Variants in TBC1D4 observed in about 807,000 individuals in gnomAD.
TBC1D4 encodes TBC (Tre-2, BUB2, CDC16) domain-containing protein.
TBC1D4 carries 121 observed loss-of-function variants against 142.5 expected under a neutral mutation model. The observed-to-expected ratio is 0.85, with a 90% CI of 0.73 to 0.99. The LOEUF (loss-of-function observed/expected upper bound fraction) is 0.99, where lower values mean the gene tolerates loss of function less well. TBC1D4 is among the 50% of genes least tolerant of loss of function. The pLI is 0.00. For missense variants in TBC1D4, 1,475 were observed against 1,606.6 expected, an observed-to-expected ratio of 0.92 and a Z score of 1.40; for synonymous variants, 630 against 628.2, an observed-to-expected ratio of 1.00 and a Z score of -0.04.
At chr13:75,411,000 A>G (rs2138398889) in intron 1 of TBC1D4, among the ~76,000 whole-genome samples, 1 of 151,992 alleles carries the variant, frequency 6.6e-6, no homozygotes, top group Admixed American at 6.5e-5. Flanking sequence ...TTTAACTAAT[A>G]TAAAATGTAA....
intron 2 of TBC1D4, 36 bp downstream of exon 2, chr13:75,361,990 T>C: frequency 1.9e-6 from 3 of 1,612,920 alleles, no homozygotes; most frequent in Non-Finnish European, 2.5e-6. Context: ...CTGGCACCTT[T>C]TGGGGCAAGG....
At chr13:75,470,287 C>G (rs1888346376) in intron 1 of TBC1D4, among the ~76,000 whole-genome samples, 1 of 152,128 alleles carries the variant, frequency 6.6e-6, no homozygotes, top group African/African-American at 2.4e-5. Flanking sequence ...AACAAATGAG[C>G]TGGGCTGTGT....
intron 1 of TBC1D4, among the ~76,000 whole-genome samples, chr13:75,438,202 G>A (rs894176393): frequency 7.9e-5 from 12 of 152,076 alleles, no homozygotes; most frequent in South Asian, 2.1e-4. Flanking sequence ...TTCATATACC[G>A]TTAATTACAT....
At chr13:75,322,831 T>C (rs1878886739) in intron 11 of TBC1D4, among the ~76,000 whole-genome samples, 1 of 152,208 alleles carries the variant, frequency 6.6e-6, no homozygotes, top group Non-Finnish European at 1.5e-5. Flanking sequence ...ATTCTATATA[T>C]CTTATACTAG....
chr13:75,465,838 TTATCTTAACCC>T (rs973079645), intron 1 of TBC1D4, among the ~76,000 whole-genome samples: 1 of 152,172 alleles, frequency 6.6e-6, no homozygotes, highest in Non-Finnish European at 1.5e-5. Context: ...CCACAACCCC[TTATCTTAACCC>T]ACACATTCCT....
intron 1 of TBC1D4, among the ~76,000 whole-genome samples, chr13:75,413,857 A>G (rs2138090481): frequency 6.6e-6 from 1 of 152,256 alleles, no homozygotes; most frequent in Non-Finnish European, 1.5e-5. Flanking sequence ...GTGGTTCTCT[A>G]CAGGATCTCA....
chr13:75,412,651 T>C (rs1469187672), intron 1 of TBC1D4, among the ~76,000 whole-genome samples: 2 of 151,962 alleles, frequency 1.3e-5, no homozygotes, highest in Non-Finnish European at 2.9e-5. Flanking sequence ...AAGGGCCAAA[T>C]AAACTAAATT....
At chr13:75,296,127 C>A (rs1875892828) in intron 17 of TBC1D4, among the ~76,000 whole-genome samples, 3 of 151,896 alleles carry the variant, frequency 2.0e-5, no homozygotes, top group South Asian at 4.2e-4. Context: ...TCCGTTTCCA[C>A]ACAAACTGTA....
chr13:75,465,771 T>G (rs1020220750), intron 1 of TBC1D4, among the ~76,000 whole-genome samples: 4 of 152,194 alleles, frequency 2.6e-5, no homozygotes, highest in Non-Finnish European at 4.4e-5. Context: ...ATTTAAAATC[T>G]ATTCCCTCTG....
At chr13:75,380,067 C>G (rs568048603) in intron 1 of TBC1D4, among the ~76,000 whole-genome samples, 1 of 151,344 alleles carries the variant, frequency 6.6e-6, no homozygotes, top group African/African-American at 2.4e-5. Context: ...TTAGTAGAGA[C>G]GGGGTTTCAC....
chr13:75,402,675 A>G (rs1410357559), intron 1 of TBC1D4, among the ~76,000 whole-genome samples: 3 of 151,578 alleles, frequency 2.0e-5, no homozygotes, highest in African/African-American at 7.3e-5. Context: ...ACACACACAC[A>G]CACACACACA....
intron 2 of TBC1D4, among the ~76,000 whole-genome samples, chr13:75,360,929 C>T (rs1286310074): frequency 6.6e-6 from 1 of 152,128 alleles, no homozygotes; most frequent in African/African-American, 2.4e-5. Context: ...GTACTATTTA[C>T]CAAAATACTC....
chr13:75,401,498 C>T (rs1885093163), intron 1 of TBC1D4, among the ~76,000 whole-genome samples: 1 of 152,334 alleles, frequency 6.6e-6, no homozygotes, highest in African/African-American at 2.4e-5. Context: ...AATCAGAAAG[C>T]ACAGAGGACT....
intron 1 of TBC1D4, among the ~76,000 whole-genome samples, chr13:75,464,785 G>A (rs9573552): frequency 0.13 from 19,561 of 152,238 alleles, 1,402 homozygotes; most frequent in Middle Eastern, 0.15. Context: ...TGGATTCCTG[G>A]GCAAATCTTT....
chr13:75,428,896 T>A (rs932564784), intron 1 of TBC1D4, among the ~76,000 whole-genome samples: 12 of 152,214 alleles, frequency 7.9e-5, no homozygotes, highest in African/African-American at 2.4e-4. Context: ...TGGTCTTTGA[T>A]GGAACACAGC....
intron 7 of TBC1D4, among the ~76,000 whole-genome samples, chr13:75,337,294 C>A (rs1369099682): frequency 1.3e-5 from 2 of 152,090 alleles, no homozygotes; most frequent in African/African-American, 4.8e-5. Flanking sequence ...GAATACACTC[C>A]TACTGCATTT....
chr13:75,463,900 T>C (rs1021022249), intron 1 of TBC1D4, among the ~76,000 whole-genome samples: 7 of 152,176 alleles, frequency 4.6e-5, no homozygotes, highest in African/African-American at 1.7e-4. Context: ...TCCTGAATTG[T>C]TCACCTCCAC....
At chr13:75,353,998 T>A (rs967608485) in intron 4 of TBC1D4, among the ~76,000 whole-genome samples, 5 of 152,148 alleles carry the variant, frequency 3.3e-5, no homozygotes, top group African/African-American at 1.2e-4. Context: ...AGCCTCTCAC[T>A]CAAGTCCTTA....
rs927030033 is a variant in TBC1D4, at chr13:75,325,462, G to A, written c.2033+735C>T. 4.0e-5 allele frequency among the ~76,000 whole-genome samples: 6 copies of A among 149,184 alleles called. No individual in the cohort carries two copies. In the South Asian group the frequency reaches 6.3e-4, roughly 16 times the overall value. On this transcript the variant is annotated intron_variant, in intron 10 of 20. Transcript: ENST00000377636. ...GCATCTTTACTTAACCCTATTTTCC[G>A]TAACAAATTCATAGGTAAAGAAGAG...
Sources: allele counts gnomAD v4.1 joint callset (sites outside exome capture counted in the v4.1 genomes callset), GRCh38; gene constraint gnomAD v4.1.1; transcripts MANE v1.5; gene names NCBI Gene and HGNC (gene_info 2026-07-23, HGNC 2026-07-21).